CLEC16A: variants seen among roughly 807,000 people sequenced by gnomAD.
CLEC16A encodes protein CLEC16A.
In CLEC16A, 51 loss-of-function variants were observed where a neutral mutation model predicts 109.5. That is an observed-to-expected ratio of 0.47 (90% CI 0.37 to 0.59). The LOEUF (loss-of-function observed/expected upper bound fraction) is 0.59, where lower values mean the gene tolerates loss of function less well. CLEC16A is among the 20% of genes least tolerant of loss of function. The probability of loss-of-function intolerance (pLI) is 0.00; values close to 1 mark genes in which losing one functional copy is unlikely to be tolerated. For synonymous variants in CLEC16A, 673 were observed against 564.2 expected (o/e 1.19, Z -2.73); for missense variants, 1,339 against 1,394.0 (o/e 0.96, Z 0.63).
At chr16:11,103,372 G>A (rs1042640105) in intron 19 of CLEC16A, among the ~76,000 whole-genome samples, 2 of 152,186 alleles carry the variant, frequency 1.3e-5, no homozygotes, top group African/African-American at 2.4e-5. Flanking sequence ...CTGAGATCAG[G>A]GGTTTGAGAC....
intron 7 of CLEC16A, 120 bp downstream of exon 7, chr16:10,973,181 A>G (rs2042876369): frequency 8.5e-7 from 1 of 1,171,310 alleles, no homozygotes; most frequent in East Asian, 2.6e-5. Flanking sequence ...TAGGCAGAGC[A>G]TGGACTTCCG....
At chr16:11,103,432 T>C (rs1488308069) in intron 19 of CLEC16A, among the ~76,000 whole-genome samples, 1 of 152,010 alleles carries the variant, frequency 6.6e-6, no homozygotes, top group Non-Finnish European at 1.5e-5. Context: ...ATACAAAAAT[T>C]AGCCAGGCGT....
At chr16:11,076,716 A>C (rs2049395384) in intron 19 of CLEC16A, among the ~76,000 whole-genome samples, 1 of 152,188 alleles carries the variant, frequency 6.6e-6, no homozygotes, top group African/African-American at 2.4e-5. Context: ...GGAAGGTGTA[A>C]GTCAGGAGAA....
chr16:11,039,227 C>T (rs2047187330), intron 13 of CLEC16A, among the ~76,000 whole-genome samples: 1 of 152,168 alleles, frequency 6.6e-6, no homozygotes, highest in Non-Finnish European at 1.5e-5. Flanking sequence ...TATTAAGTAC[C>T]TGCCAACCTC....
At chr16:11,119,087 G>A (rs867421299) in intron 19 of CLEC16A, among the ~76,000 whole-genome samples, 2 of 152,054 alleles carry the variant, frequency 1.3e-5, no homozygotes, top group Non-Finnish European at 2.9e-5. Flanking sequence ...CTGCAACTTC[G>A]CCTCTCAGGT....
chr16:11,141,003 A>C (rs1177237714), intron 22 of CLEC16A, among the ~76,000 whole-genome samples: 1 of 152,252 alleles, frequency 6.6e-6, no homozygotes, highest in Non-Finnish European at 1.5e-5. Flanking sequence ...TCGTAGTGTC[A>C]TAATGGCCAC....
intron 22 of CLEC16A, among the ~76,000 whole-genome samples, chr16:11,161,485 C>G (rs1299152516): frequency 2.6e-5 from 4 of 152,332 alleles, no homozygotes; most frequent in East Asian, 1.9e-4. Flanking sequence ...GGTCTGAGGA[C>G]TGACCTAGGC....
intron 13 of CLEC16A, among the ~76,000 whole-genome samples, chr16:11,025,191 C>T (rs2046340184): frequency 6.6e-6 from 1 of 152,186 alleles, no homozygotes; most frequent in Non-Finnish European, 1.5e-5. Context: ...TGACTATATT[C>T]ACCCTGTGGT....
intron 19 of CLEC16A, among the ~76,000 whole-genome samples, chr16:11,085,082 C>T (rs1421750061): frequency 6.6e-6 from 1 of 152,250 alleles, no homozygotes; most frequent in East Asian, 1.9e-4. Flanking sequence ...CCAGAAGCCC[C>T]TCTTCCCCAG....
intron 4 of CLEC16A, among the ~76,000 whole-genome samples, chr16:10,970,630 CT>C (rs1174815264): frequency 1.4e-4 from 22 of 152,332 alleles, no homozygotes; most frequent in African/African-American, 5.1e-4. Context: ...CTCAAAACTC[CT>C]GACCTCAAGC....
chr16:11,116,519 C>A (rs1396480664), intron 19 of CLEC16A, among the ~76,000 whole-genome samples: 1 of 152,074 alleles, frequency 6.6e-6, no homozygotes, highest in Non-Finnish European at 1.5e-5. Flanking sequence ...AAACACGAGG[C>A]CTGTAAAGAC....
At chr16:11,098,296 T>C (rs954535197) in intron 19 of CLEC16A, among the ~76,000 whole-genome samples, 4 of 152,192 alleles carry the variant, frequency 2.6e-5, no homozygotes, top group African/African-American at 4.8e-5. Flanking sequence ...GGAACGGCCA[T>C]GTGAGCCTGT....
chr16:11,107,960 C>G (rs1053535809), intron 19 of CLEC16A, among the ~76,000 whole-genome samples: 1 of 152,230 alleles, frequency 6.6e-6, no homozygotes, highest in Non-Finnish European at 1.5e-5. Flanking sequence ...CAGGTACTCC[C>G]CAGCAGTGCA....
intron 22 of CLEC16A, among the ~76,000 whole-genome samples, chr16:11,141,671 C>G (rs574988492): frequency 8.5e-5 from 13 of 152,332 alleles, no homozygotes; most frequent in African/African-American, 2.9e-4. Flanking sequence ...TGCGGGGCCA[C>G]TGGGGTCCCA....
intron 10 of CLEC16A, among the ~76,000 whole-genome samples, chr16:10,997,774 G>A (rs77548380): frequency 0.072 from 10,921 of 152,222 alleles, 1,373 homozygotes; most frequent in African/African-American, 0.25. Flanking sequence ...CAGACCTTTC[G>A]CTGTGTATTT....
chr16:11,014,592 A>C (rs2045629648), intron 11 of CLEC16A, among the ~76,000 whole-genome samples: 2 of 152,260 alleles, frequency 1.3e-5, no homozygotes, highest in African/African-American at 2.4e-5. Context: ...ACGTGACAGA[A>C]ATCATAAAAG....
intron 11 of CLEC16A, among the ~76,000 whole-genome samples, chr16:11,010,535 T>C (rs1304419036): frequency 2.0e-5 from 3 of 152,180 alleles, no homozygotes; most frequent in Non-Finnish European, 2.9e-5. Context: ...TTTACTTTCC[T>C]ATTGTATTTT....
At chr16:11,156,893 C>T (rs1406284219) in intron 22 of CLEC16A, among the ~76,000 whole-genome samples, 1 of 151,390 alleles carries the variant, frequency 6.6e-6, no homozygotes, top group African/African-American at 2.4e-5. Flanking sequence ...ACGCATTCCT[C>T]ATATTCACAC....
chr16:11,128,769 T>TA (rs1221762508), intron 22 of CLEC16A, among the ~76,000 whole-genome samples: 1 of 152,068 alleles, frequency 6.6e-6, no homozygotes, highest in Non-Finnish European at 1.5e-5. Context: ...GAATCATTCT[T>TA]AAAACTTTTC....
Sources: allele counts gnomAD v4.1 joint callset (sites outside exome capture counted in the v4.1 genomes callset), GRCh38; gene constraint gnomAD v4.1.1; transcripts MANE v1.5; gene names NCBI Gene and HGNC (gene_info 2026-07-23, HGNC 2026-07-21).